Variants in FGF12 observed in about 807,000 individuals in gnomAD.
The protein encoded by FGF12 is fibroblast growth factor 12.
In FGF12, 14 loss-of-function variants were observed where a neutral mutation model predicts 23.6. The ratio of observed to expected loss-of-function variants is 0.59; its 90% CI spans 0.39 to 0.93. FGF12 has a LOEUF of 0.93. Ranked by LOEUF, FGF12 falls within the 40% of genes least tolerant of loss-of-function variation. The pLI is 0.00. For synonymous variants in FGF12, 62 were observed against 77.3 expected (o/e 0.80, Z 1.04); for missense variants, 175 against 217.8 (o/e 0.80, Z 1.24).
chr3:192,353,968 C>T (rs926006126), intron 3 of FGF12, among the ~76,000 whole-genome samples: 2 of 152,212 alleles, frequency 1.3e-5, no homozygotes, highest in Admixed American at 6.5e-5. Context: ...TTTTCCTCAG[C>T]TAACCATTTG....
At chr3:192,639,243 A>G (rs1323513706) in intron 2 of FGF12, among the ~76,000 whole-genome samples, 4 of 152,226 alleles carry the variant, frequency 2.6e-5, no homozygotes, top group Non-Finnish European at 5.9e-5. Context: ...ACTCAAAACC[A>G]CAATGAGATA....
intron 3 of FGF12, among the ~76,000 whole-genome samples, chr3:192,349,452 T>C (rs1282169347): frequency 6.6e-6 from 1 of 152,074 alleles, no homozygotes; most frequent in Non-Finnish European, 1.5e-5. Flanking sequence ...CCTGAGTGTG[T>C]ATTTTCTTTT....
intron 5 of FGF12, among the ~76,000 whole-genome samples, chr3:192,169,322 C>G (rs149308926): frequency 0.066 from 10,004 of 152,104 alleles, 407 homozygotes; most frequent in African/African-American, 0.096. Flanking sequence ...GCCTGGGTGA[C>G]AGAGCAAGAC....
chr3:192,518,433 T>C (rs1164506477), intron 2 of FGF12, among the ~76,000 whole-genome samples: 1 of 152,140 alleles, frequency 6.6e-6, no homozygotes, highest in Admixed American at 6.5e-5. Context: ...ATATTTAAAT[T>C]GTGACTTATC....
At chr3:192,144,187 C>T (rs1403370148) in intron 5 of FGF12, 60 bp from the exon 6 acceptor site, 1 of 934,914 alleles carries the variant, frequency 1.1e-6, no homozygotes, top group African/African-American at 1.7e-5. Context: ...CTTCAATAAG[C>T]TTTTCAAATT....
chr3:192,342,050 GA>G (rs955673237), intron 3 of FGF12, among the ~76,000 whole-genome samples: 4 of 152,184 alleles, frequency 2.6e-5, no homozygotes, highest in African/African-American at 9.7e-5. Flanking sequence ...GGTCTCTAGT[GA>G]AAAGACTTTT....
chr3:192,457,711 T>G (rs1201579354), intron 2 of FGF12, among the ~76,000 whole-genome samples: 1 of 152,190 alleles, frequency 6.6e-6, no homozygotes, highest in African/African-American at 2.4e-5. Context: ...GACGATGCAA[T>G]AGAAAATAAA....
chr3:192,694,858 G>A (rs1355393132), intron 2 of FGF12, among the ~76,000 whole-genome samples: 1 of 151,984 alleles, frequency 6.6e-6, no homozygotes, highest in Non-Finnish European at 1.5e-5. Flanking sequence ...AGGAATGCTG[G>A]TTACCAAAGT....
chr3:192,156,542 G>A (rs1577182590), intron 5 of FGF12, among the ~76,000 whole-genome samples: 1 of 152,048 alleles, frequency 6.6e-6, no homozygotes, highest in African/African-American at 2.4e-5. Flanking sequence ...AAGATGCAAG[G>A]CCTGCAAGAT....
intron 3 of FGF12, among the ~76,000 whole-genome samples, chr3:192,341,915 A>ACTCG (rs1553799647): frequency 2.6e-5 from 4 of 151,932 alleles, no homozygotes; most frequent in Non-Finnish European, 5.9e-5. Context: ...TTTGGAGTTA[A>ACTCG]CATACAGCAC....
At chr3:192,288,880 C>G (rs1017610232) in intron 4 of FGF12, among the ~76,000 whole-genome samples, 1 of 152,052 alleles carries the variant, frequency 6.6e-6, no homozygotes, top group Non-Finnish European at 1.5e-5. Context: ...TAAATGTCTT[C>G]AACATTACCT....
intron 2 of FGF12, among the ~76,000 whole-genome samples, chr3:192,694,713 C>G (rs984007134): frequency 6.6e-6 from 1 of 151,500 alleles, no homozygotes; most frequent in Admixed American, 6.6e-5. Context: ...AAAAGGAGAC[C>G]CTGCTATTTG....
At chr3:192,328,074 G>T (rs1716909150) in intron 4 of FGF12, among the ~76,000 whole-genome samples, 1 of 152,152 alleles carries the variant, frequency 6.6e-6, no homozygotes, top group South Asian at 2.1e-4. Flanking sequence ...CTGAGCTGGG[G>T]TAAGAAAATA....
intron 4 of FGF12, among the ~76,000 whole-genome samples, chr3:192,210,132 G>GA (rs202178229): frequency 0.055 from 8,308 of 152,118 alleles, 285 homozygotes; most frequent in South Asian, 0.082. Flanking sequence ...ATCCTTGAGA[G>GA]AAAAAAACAT....
intron 2 of FGF12, among the ~76,000 whole-genome samples, chr3:192,686,916 G>C (rs1451728157): frequency 9.5e-5 from 13 of 136,876 alleles, no homozygotes; most frequent in Admixed American, 5.6e-4. Context: ...GCAAGCTCCG[G>C]CTTCTGGGTT....
At chr3:192,571,438 G>A (rs998564720) in intron 2 of FGF12, among the ~76,000 whole-genome samples, 53 of 152,342 alleles carry the variant, frequency 3.5e-4, no homozygotes, top group African/African-American at 1.2e-3. Flanking sequence ...TGCAGTACCG[G>A]GATCGCTGCC....
At chr3:192,635,633 G>A (rs565664992) in intron 2 of FGF12, among the ~76,000 whole-genome samples, 2 of 152,288 alleles carry the variant, frequency 1.3e-5, no homozygotes, top group East Asian at 3.9e-4. Flanking sequence ...AGAAACCAGA[G>A]AAAACAATCA....
intron 3 of FGF12, among the ~76,000 whole-genome samples, chr3:192,357,840 T>C (rs934861334): frequency 6.6e-6 from 1 of 152,188 alleles, no homozygotes; most frequent in Non-Finnish European, 1.5e-5. Context: ...AAGTGTAATT[T>C]TTAAAGGACT....
At chr3:192,469,849 G>C (rs1428297731) in intron 2 of FGF12, among the ~76,000 whole-genome samples, 1 of 152,190 alleles carries the variant, frequency 6.6e-6, no homozygotes, top group African/African-American at 2.4e-5. Context: ...TGAATGAAGA[G>C]TCAGGAGATC....
Sources: gnomAD v4.1 joint callset for allele counts (sites outside exome capture counted in the v4.1 genomes callset) on GRCh38, gnomAD v4.1.1 for gene constraint, MANE v1.5 for transcripts, NCBI Gene and HGNC (gene_info 2026-07-23, HGNC 2026-07-21) for gene names.